Variants in LIMA1 observed in about 807,000 individuals in gnomAD.
The protein encoded by LIMA1 is LIM domain and actin-binding protein 1.
In LIMA1, 52 loss-of-function variants were observed where a neutral mutation model predicts 62.6. The ratio of observed to expected loss-of-function variants is 0.83; its 90% CI spans 0.67 to 1.05. The LOEUF (loss-of-function observed/expected upper bound fraction) is 1.05, where lower values mean the gene tolerates loss of function less well. Among genes scored for constraint, LIMA1 ranks in the 50% least tolerant of loss-of-function variants. The probability of loss-of-function intolerance (pLI) is 0.00; values close to 1 mark genes in which losing one functional copy is unlikely to be tolerated. For synonymous variants in LIMA1, 302 were observed against 317.8 expected (o/e 0.95, Z 0.53); for missense variants, 780 against 902.2 (o/e 0.86, Z 1.74).
rs1455727255 is a variant in LIMA1, at chr12:50,237,211, TC to T, written c.120-5502del. 4.3e-4 allele frequency among the ~76,000 whole-genome samples: 66 copies of T among 152,248 alleles called. 1 individual carries two copies. ...CAAAAGACTGAGAACAACCTGAATG[TC>T]CGTTAGCAGAGGAGTGGTAAATTAT... is the stretch of plus-strand genomic sequence containing the variant. On this transcript the variant is annotated intron_variant, in intron 2 of 10. Coordinates refer to ENST00000341247, the MANE Select transcript of LIMA1 (RefSeq NM_016357.5).
chr12:50,206,930 AT>A (rs983216503), intron 4 of LIMA1, among the ~76,000 whole-genome samples: 48 of 146,936 alleles, frequency 3.3e-4, no homozygotes, highest in African/African-American at 3.7e-4. Context: ...GATGACACAG[AT>A]TTTTTTTTTT....
intron 8 of LIMA1, among the ~76,000 whole-genome samples, chr12:50,195,085 C>T (rs559077304): frequency 1.3e-5 from 2 of 152,062 alleles, no homozygotes; most frequent in South Asian, 4.2e-4. Flanking sequence ...TGCCTGTAGT[C>T]CTAGCTATTT....
chr12:50,279,056 A>G (rs951883606), intron 1 of LIMA1, among the ~76,000 whole-genome samples: 1 of 143,170 alleles, frequency 7.0e-6, no homozygotes, highest in Non-Finnish European at 1.5e-5. Context: ...CCCAGGCTGG[A>G]GTGCAGTGGC....
At chr12:50,267,847 G>A (rs1592567626) in intron 1 of LIMA1, among the ~76,000 whole-genome samples, 1 of 151,924 alleles carries the variant, frequency 6.6e-6, no homozygotes, top group African/African-American at 2.4e-5. Flanking sequence ...TGAAGAATGA[G>A]GTCTCACTAT....
rs1310882175 is a variant in LIMA1, at chr12:50,222,272, TG to T, written c.378del (p.Arg127AspfsTer39). On this transcript the variant is annotated frameshift_variant, in exon 4 of 11. Coordinates refer to ENST00000341247, the MANE Select transcript of LIMA1 (RefSeq NM_016357.5). LOFTEE classifies it high-confidence loss of function. The part of the protein sequence containing the change: ...AKADQEEQIH[P>X]RSRLRSPPEA... ...TCAGGAGGTGACCTGAGTCTAGATC[TG>T]GGGTGGATTTGTTCTTCTTGGTCAG... 1 of 1,614,010 alleles carries T rather than the reference TG, an allele frequency of 6.2e-7. No individual in the cohort carries two copies. Among genetic ancestry groups the T allele is most frequent in the Non-Finnish European group, 8.5e-7 (1 of 1,180,028 alleles).
intron 1 of LIMA1, among the ~76,000 whole-genome samples, chr12:50,252,877 A>G (rs761004776): frequency 2.7e-4 from 41 of 152,232 alleles, no homozygotes; most frequent in Non-Finnish European, 5.1e-4. Context: ...ATCATATTTT[A>G]AAATATTATT....
chr12:50,207,749 G>A (rs1377132514), intron 4 of LIMA1, among the ~76,000 whole-genome samples: 1 of 151,950 alleles, frequency 6.6e-6, no homozygotes, highest in East Asian at 1.9e-4. Flanking sequence ...AATTAGCCAG[G>A]TGTGGTGACA....
intron 1 of LIMA1, among the ~76,000 whole-genome samples, chr12:50,255,735 AAAAAAC>A (rs1391947472): frequency 1.3e-5 from 2 of 151,214 alleles, no homozygotes; most frequent in Non-Finnish European, 2.9e-5. Context: ...AAAAAAAACT[AAAAAAC>A]TTCAAGTTGC....
At chr12:50,280,486 A>G (rs1386041398) in intron 1 of LIMA1, among the ~76,000 whole-genome samples, 1 of 152,156 alleles carries the variant, frequency 6.6e-6, no homozygotes, top group Non-Finnish European at 1.5e-5. Context: ...AAATTATTTA[A>G]AAGAACATCA....
intron 4 of LIMA1, chr12:50,218,283 A>T (rs1220331938): frequency 6.5e-6 from 1 of 152,732 alleles, no homozygotes; most frequent in Non-Finnish European, 1.5e-5. Flanking sequence ...TGCAGTGAAT[A>T]GCGTACACCT....
intron 4 of LIMA1, among the ~76,000 whole-genome samples, chr12:50,215,213 G>A (rs1019114543): frequency 3.3e-5 from 5 of 152,168 alleles, no homozygotes; most frequent in Admixed American, 2.0e-4. Context: ...AATACCAAGT[G>A]TCACTTCCAG....
chr12:50,248,230 A>G (rs1337873172), intron 2 of LIMA1, among the ~76,000 whole-genome samples: 1 of 152,204 alleles, frequency 6.6e-6, no homozygotes, highest in Non-Finnish European at 1.5e-5. Flanking sequence ...GCACCATTCA[A>G]CCAAATCAAA....
chr12:50,273,474 T>C (rs1397728923), intron 1 of LIMA1, among the ~76,000 whole-genome samples: 3 of 151,938 alleles, frequency 2.0e-5, no homozygotes, highest in African/African-American at 7.3e-5. Context: ...GAGGACTAAA[T>C]GAAAGGATAA....
intron 6 of LIMA1, among the ~76,000 whole-genome samples, chr12:50,204,168 A>G (rs977660244): frequency 2.0e-5 from 3 of 152,216 alleles, no homozygotes; most frequent in African/African-American, 7.2e-5. Flanking sequence ...TTCTTCCCTC[A>G]AAAGCCAAAA....
intron 1 of LIMA1, among the ~76,000 whole-genome samples, chr12:50,282,001 C>A (rs999984768): frequency 6.6e-5 from 10 of 152,140 alleles, no homozygotes; most frequent in Non-Finnish European, 1.5e-4. Flanking sequence ...ACATGAAAGG[C>A]ACTCAATATT....
chr12:50,269,531 A>ATGGTTCC (rs1305308992), intron 1 of LIMA1, among the ~76,000 whole-genome samples: 1 of 152,146 alleles, frequency 6.6e-6, no homozygotes, highest in Non-Finnish European at 1.5e-5. Flanking sequence ...TGAGAAACTG[A>ATGGTTCC]TGGTTACTAC....
chr12:50,250,262 C>A (rs1296727117), intron 1 of LIMA1, among the ~76,000 whole-genome samples: 13 of 144,998 alleles, frequency 9.0e-5, no homozygotes, highest in Middle Eastern at 3.6e-3. Flanking sequence ...TGCACTCCAG[C>A]CCAGGCAACA....
At chr12:50,245,707 G>A (rs1358981276) in intron 2 of LIMA1, among the ~76,000 whole-genome samples, 1 of 150,818 alleles carries the variant, frequency 6.6e-6, no homozygotes, top group African/African-American at 2.4e-5. Context: ...CACCCCCAGT[G>A]AGAAACACTA....
chr12:50,268,101 T>C (rs953944005), intron 1 of LIMA1, among the ~76,000 whole-genome samples: 1 of 152,194 alleles, frequency 6.6e-6, no homozygotes, highest in African/African-American at 2.4e-5. Context: ...TTTCCTGGTG[T>C]CTGATTCTTA....
Sources: allele counts gnomAD v4.1 joint callset (sites outside exome capture counted in the v4.1 genomes callset), GRCh38; gene constraint gnomAD v4.1.1; transcripts MANE v1.5; gene names NCBI Gene and HGNC (gene_info 2026-07-23, HGNC 2026-07-21).